Variants in LARS2 observed in about 807,000 individuals in gnomAD.
LARS2 encodes leucyl-tRNA synthetase 2, mitochondrial.
A neutral mutation model predicts 116.6 loss-of-function variants in LARS2; 81 were observed. That is an observed-to-expected ratio of 0.69 (90% confidence interval 0.58 to 0.84). The LOEUF (loss-of-function observed/expected upper bound fraction) is 0.84, where lower values mean the gene tolerates loss of function less well. Among genes scored for constraint, LARS2 ranks in the 40% least tolerant of loss-of-function variants. The pLI is 0.00. For synonymous variants in LARS2, 396 were observed against 407.2 expected (o/e 0.97, Z 0.33); for missense variants, 968 against 1,114.5 (o/e 0.87, Z 1.87).
chr3:45,450,889 G>A (rs1347081894), intron 7 of LARS2, among the ~76,000 whole-genome samples: 2 of 152,116 alleles, frequency 1.3e-5, no homozygotes, highest in Non-Finnish European at 2.9e-5. Flanking sequence ...TTTTAACTGA[G>A]TGAAATTATG....
At chr3:45,417,383 G>C in intron 4 of LARS2, 99 bp from the exon 5 acceptor site, 3 of 869,012 alleles carry the variant, frequency 3.5e-6, no homozygotes, top group Admixed American at 3.9e-5. Flanking sequence ...AAAAGATAAG[G>C]CATGTTAGCA....
chr3:45,484,603 CAAAAAAAAAAAA>C (rs1156814528), intron 10 of LARS2, among the ~76,000 whole-genome samples: 3 of 14,728 alleles, frequency 2.0e-4, no homozygotes, highest in Admixed American at 1.6e-3. Flanking sequence ...CCTGTCTCTA[CAAAAAAAAAAAA>C]AAAAAAAAAA....
chr3:45,461,163 T>C (rs1699317162), intron 8 of LARS2, among the ~76,000 whole-genome samples: 1 of 151,992 alleles, frequency 6.6e-6, no homozygotes, highest in African/African-American at 2.4e-5. Context: ...AACATGGTCA[T>C]AATGAATGAA....
Position 45,548,331 on chromosome 3 carries a change from T to G in LARS2, c.*801T>G, listed in dbSNP as rs1034061624. ...CTTGGGTATACAATTTGCTGTGTAG[T>G]GAAGTGGAACCAGGCTCAGGCTGCT... On this transcript the variant is annotated 3_prime_UTR_variant, in exon 22 of 22. Transcript: ENST00000645846. The G allele has an allele frequency of 6.6e-6, 1 of 152,228 alleles. No individual in the cohort carries two copies. Among genetic ancestry groups the G allele is most frequent in the Non-Finnish European group, 1.5e-5 (1 of 68,072 alleles). The allele number at this position is 152,228 out of a possible 1,614,324, so 9.4% of individuals were successfully genotyped here.
intron 20 of LARS2, among the ~76,000 whole-genome samples, chr3:45,528,135 A>C (rs1700559197): frequency 6.6e-6 from 1 of 152,192 alleles, no homozygotes; most frequent in Non-Finnish European, 1.5e-5. Flanking sequence ...CCAAGAGTTC[A>C]AGACCAGCTT....
intron 21 of LARS2, among the ~76,000 whole-genome samples, chr3:45,546,367 G>A (rs1402250696): frequency 5.3e-5 from 8 of 152,192 alleles, no homozygotes; most frequent in South Asian, 2.1e-4. Context: ...GCTTTAAAAC[G>A]CTGCAGCATG....
chr3:45,399,854 C>T (rs1698114074), intron 3 of LARS2, among the ~76,000 whole-genome samples: 1 of 151,968 alleles, frequency 6.6e-6, no homozygotes, highest in African/African-American at 2.4e-5. Context: ...TAGCTTAGCT[C>T]CCACATATCA....
chr3:45,524,609 C>G (rs1700507096), intron 20 of LARS2, among the ~76,000 whole-genome samples: 1 of 152,122 alleles, frequency 6.6e-6, no homozygotes, highest in South Asian at 2.1e-4. Flanking sequence ...TGGACAAAAC[C>G]AGGACTTCAC....
chr3:45,513,938 G>A (rs1378774221), intron 16 of LARS2, among the ~76,000 whole-genome samples: 2 of 152,328 alleles, frequency 1.3e-5, no homozygotes, highest in East Asian at 3.9e-4. Context: ...AGGTGTGGTA[G>A]CTCACGCCTG....
intron 8 of LARS2, among the ~76,000 whole-genome samples, chr3:45,460,743 A>C (rs1699303416): frequency 6.6e-6 from 1 of 152,224 alleles, no homozygotes; most frequent in Admixed American, 6.5e-5. Flanking sequence ...GGGGCTGTGC[A>C]GTACTGGAAA....
chr3:45,431,768 A>G (rs1283222920), intron 6 of LARS2, among the ~76,000 whole-genome samples: 1 of 152,128 alleles, frequency 6.6e-6, no homozygotes, highest in Non-Finnish European at 1.5e-5. Flanking sequence ...CAAAAAAGCT[A>G]CAAGGCATAT....
At chr3:45,508,860 C>G (rs1175515720) in intron 15 of LARS2, among the ~76,000 whole-genome samples, 1 of 151,774 alleles carries the variant, frequency 6.6e-6, no homozygotes, top group Non-Finnish European at 1.5e-5. Context: ...TCCCTCTCCT[C>G]CCTCCCTACC....
intron 7 of LARS2, among the ~76,000 whole-genome samples, chr3:45,457,998 A>T (rs1042766949): frequency 6.6e-6 from 1 of 152,200 alleles, no homozygotes; most frequent in South Asian, 2.1e-4. Flanking sequence ...AGAGTTTTCT[A>T]GGGTGCTGGA....
chr3:45,471,274 T>C (rs752076577), intron 8 of LARS2, among the ~76,000 whole-genome samples: 4 of 152,182 alleles, frequency 2.6e-5, no homozygotes, highest in Non-Finnish European at 1.5e-5. Flanking sequence ...GTGTTTATTA[T>C]ACAGTGGGGA....
rs182660644 is a variant in LARS2, at chr3:45,428,492, G to A, written c.516+8763G>A. 1.0e-2 allele frequency among the ~76,000 whole-genome samples: 1,518 copies of A among 151,814 alleles called. 18 individuals carry two copies. The highest frequency in any genetic ancestry group is 0.031 in the African/African-American group (1,290 of 41,376). ...AATCTCCTGACCTCGTGATCCACCCGCCTCAGCCTCCCAAAGTGCTGGGAT... is the reference window on the plus strand; with the variant it reads ...AATCTCCTGACCTCGTGATCCACCCACCTCAGCCTCCCAAAGTGCTGGGAT... On this transcript the variant is annotated intron_variant, in intron 6 of 21. Transcript: ENST00000645846.
chr3:45,460,070 G>A (rs925280620), intron 8 of LARS2, among the ~76,000 whole-genome samples: 3 of 152,212 alleles, frequency 2.0e-5, no homozygotes, highest in African/African-American at 4.8e-5. Context: ...ATTGTAGGAC[G>A]CCAACTCACA....
intron 9 of LARS2, among the ~76,000 whole-genome samples, chr3:45,475,953 T>C (rs970505305): frequency 1.3e-5 from 2 of 152,210 alleles, no homozygotes. Flanking sequence ...TTAAAAGGCA[T>C]TTTAACCAGC....
Position 45,419,711 on chromosome 3 carries a change from G to C in LARS2, c.498G>C (p.Leu166=), listed in dbSNP as rs1698485726. Residue 166 remains leucine, a synonymous_variant, in exon 6 of 22, where the codon CTG becomes CTC. Transcript: ENST00000645846. ...GGAAACAGCTTGATCGTCTGGGCCT[G>C]TGTTTCAGCTGGGATAGGGTAAGTC... is the stretch of plus-strand genomic sequence containing the variant. ...HMRKQLDRLG[L]CFSWDREITT... is the part of the protein sequence containing the mutation. The C allele has an allele frequency of 6.2e-7, 1 of 1,613,886 alleles. No homozygotes were observed. Among genetic ancestry groups the C allele is most frequent in the Non-Finnish European group, 8.5e-7 (1 of 1,179,766 alleles).
At position 45,393,759 on chromosome 3, in the gene LARS2, G is replaced by A. The variant is rs570433474; in HGVS notation, c.-21-674G>A. Among the ~76,000 whole-genome samples the A allele has an allele frequency of 4.1e-3, 620 of 152,190 alleles. 3 individuals carry two copies. Among genetic ancestry groups the A allele is most frequent in the Non-Finnish European group, 6.9e-3 (471 of 68,006 alleles). On this transcript the variant is annotated intron_variant, in intron 2 of 21. Coordinates refer to ENST00000645846, the MANE Select transcript of LARS2 (RefSeq NM_015340.4). ...AGATCGCTTGAGCCCAGGAGTCAGA[G>A]GTTACACTGAGGTATGATTATGCCA... is the stretch of plus-strand genomic sequence containing the variant.
Sources: allele counts gnomAD v4.1 joint callset (sites outside exome capture counted in the v4.1 genomes callset), GRCh38; gene constraint gnomAD v4.1.1; transcripts MANE v1.5; gene names NCBI Gene and HGNC (gene_info 2026-07-23, HGNC 2026-07-21).